The following ITPR2 variants were observed in gnomAD, a reference collection of about 807,000 sequenced individuals.
The protein encoded by ITPR2 is inositol 1,4,5-trisphosphate-gated calcium channel ITPR2.
A neutral mutation model predicts 317.1 loss-of-function variants in ITPR2; 207 were observed. The observed-to-expected ratio is 0.65, with a 90% CI of 0.58 to 0.73. The LOEUF (loss-of-function observed/expected upper bound fraction) is 0.73. Ranked by LOEUF, ITPR2 falls within the 30% of genes least tolerant of loss-of-function variation. ITPR2 has a pLI of 0.00. For synonymous variants in ITPR2, 1,156 were observed against 1,149.1 expected (o/e 1.01, Z -0.12); for missense variants, 2,613 against 3,284.0 (o/e 0.80, Z 4.99).
At chr12:26,406,284 C>A (rs1055411658) in intron 52 of ITPR2, among the ~76,000 whole-genome samples, 2 of 151,782 alleles carry the variant, frequency 1.3e-5, no homozygotes, top group African/African-American at 2.4e-5. Flanking sequence ...TGAACTTTGT[C>A]CTTTTTTCTG....
chr12:26,464,334 A>G (rs976760783), intron 45 of ITPR2, among the ~76,000 whole-genome samples: 2 of 152,246 alleles, frequency 1.3e-5, no homozygotes, highest in African/African-American at 4.8e-5. Context: ...AGACAGTAAC[A>G]GATCATCATG....
intron 23 of ITPR2, chr12:26,627,284 C>T (rs956832758): frequency 6.6e-6 from 1 of 152,176 alleles, no homozygotes; most frequent in Non-Finnish European, 1.5e-5. Flanking sequence ...TCGCACTGCT[C>T]TTTGATCCAG....
intron 37 of ITPR2, among the ~76,000 whole-genome samples, chr12:26,546,655 C>T (rs1233264266): frequency 6.6e-6 from 1 of 151,734 alleles, no homozygotes; most frequent in Non-Finnish European, 1.5e-5. Context: ...TAATATATTG[C>T]AGGGCTACAC....
chr12:26,692,189 T>A (rs1349209652), intron 10 of ITPR2, among the ~76,000 whole-genome samples: 1 of 152,174 alleles, frequency 6.6e-6, no homozygotes, highest in Non-Finnish European at 1.5e-5. Context: ...TCCTGGAACA[T>A]TTCTGTTGAT....
At chr12:26,782,070 A>AGAGAGAGAGAGAGAGC (rs1332997577) in intron 2 of ITPR2, among the ~76,000 whole-genome samples, 4 of 122,612 alleles carry the variant, frequency 3.3e-5, no homozygotes, top group Non-Finnish European at 6.9e-5. Flanking sequence ...AGAGAGAGAG[A>AGAGAGAGAGAGAGAGC]GAGCGAGAGA....
At chr12:26,422,896 T>C (rs1477985517) in intron 49 of ITPR2, among the ~76,000 whole-genome samples, 2 of 152,200 alleles carry the variant, frequency 1.3e-5, no homozygotes, top group African/African-American at 4.8e-5. Flanking sequence ...TTAAACTTCT[T>C]ACTAAACATG....
At chr12:26,521,786 G>A (rs1371106786) in intron 37 of ITPR2, among the ~76,000 whole-genome samples, 4 of 152,172 alleles carry the variant, frequency 2.6e-5, no homozygotes, top group Admixed American at 1.3e-4. Flanking sequence ...TTATGTCAGG[G>A]TAAGGGATTA....
At chr12:26,451,313 G>T (rs73083292) in intron 45 of ITPR2, among the ~76,000 whole-genome samples, 13,907 of 149,264 alleles carry the variant, frequency 0.093, 1,531 homozygotes, top group African/African-American at 0.27. Flanking sequence ...CCAGACCAAA[G>T]GACCACAGAC....
chr12:26,629,585 CAAA>C (rs5797182), intron 22 of ITPR2, among the ~76,000 whole-genome samples: 1 of 144,346 alleles, frequency 6.9e-6, no homozygotes, highest in Admixed American at 6.8e-5. Context: ...GACCCTGTCT[CAAA>C]AAAAAAAAAA....
chr12:26,604,422 A>C (rs899639971), intron 26 of ITPR2, among the ~76,000 whole-genome samples: 7 of 152,058 alleles, frequency 4.6e-5, no homozygotes, highest in Non-Finnish European at 7.4e-5. Context: ...TATCTTCCCC[A>C]CTGTGTCTCC....
chr12:26,688,424 AAG>A lies in ITPR2; in HGVS notation c.997-1794_997-1793del, dbSNP rs147889389. Among the ~76,000 whole-genome samples the A allele has an allele frequency of 1.4e-3, 206 of 152,254 alleles. 1 individual carries two copies. Among genetic ancestry groups the A allele is most frequent in the African/African-American group, 4.4e-3 (183 of 41,554 alleles). ...TCATTAATCCCACAACAAAAAATTTAAGAGAGAGAAAGGTAAGCATTATAATT... is the reference window on the plus strand; with the variant it reads ...TCATTAATCCCACAACAAAAAATTTAAGAGAGAAAGGTAAGCATTATAATT... On this transcript the variant is annotated intron_variant, in intron 10 of 56. Coordinates refer to ENST00000381340, the MANE Select transcript of ITPR2 (RefSeq NM_002223.4).
At chr12:26,355,070 T>G (rs1938591368) in intron 55 of ITPR2, among the ~76,000 whole-genome samples, 1 of 152,168 alleles carries the variant, frequency 6.6e-6, no homozygotes, top group Non-Finnish European at 1.5e-5. Context: ...ACTCCGGGGT[T>G]GAAGGCCCAG....
chr12:26,600,222 C>T, intron 28 of ITPR2, 113 bp from the exon 29 acceptor site: 1 of 830,762 alleles, frequency 1.2e-6, no homozygotes, highest in African/African-American at 1.7e-5. Context: ...TCTTTGATCT[C>T]CTTTCTCTGT....
chr12:26,586,520 T>C (rs1318882596), intron 32 of ITPR2, among the ~76,000 whole-genome samples: 1 of 152,240 alleles, frequency 6.6e-6, no homozygotes, highest in African/African-American at 2.4e-5. Context: ...ATTTCATCTA[T>C]TGCTTTCATC....
chr12:26,626,331 C>T (rs1946624735), intron 23 of ITPR2, among the ~76,000 whole-genome samples: 1 of 152,104 alleles, frequency 6.6e-6, no homozygotes. Context: ...AAAAGAAACA[C>T]AGTAAGATAT....
At chr12:26,733,310 T>A (rs1174725277) in intron 2 of ITPR2, among the ~76,000 whole-genome samples, 1 of 109,974 alleles carries the variant, frequency 9.1e-6, no homozygotes. Flanking sequence ...CAAGACTCCA[T>A]CTCAAAAAAA....
At chr12:26,737,267 TC>T (rs1333389466) in intron 2 of ITPR2, among the ~76,000 whole-genome samples, 33 of 151,978 alleles carry the variant, frequency 2.2e-4, no homozygotes, top group Admixed American at 1.3e-4. Context: ...TTTCTTTCTT[TC>T]TTTTTTTTAA....
intron 46 of ITPR2, among the ~76,000 whole-genome samples, chr12:26,440,992 G>C (rs1478219858): frequency 6.6e-6 from 1 of 152,086 alleles, no homozygotes; most frequent in Non-Finnish European, 1.5e-5. Context: ...TTTAGGTGAG[G>C]CATGTTGGAG....
intron 15 of ITPR2, among the ~76,000 whole-genome samples, chr12:26,663,470 TC>T (rs1307184962): frequency 1.3e-5 from 2 of 152,120 alleles, no homozygotes; most frequent in Non-Finnish European, 2.9e-5. Context: ...CAGGACATCC[TC>T]CCCCAGTGAT....
Sources: allele counts gnomAD v4.1 joint callset (sites outside exome capture counted in the v4.1 genomes callset), GRCh38; gene constraint gnomAD v4.1.1; transcripts MANE v1.5; gene names NCBI Gene and HGNC (gene_info 2026-07-23, HGNC 2026-07-21).